The following MACF1 variants were observed in gnomAD, a reference collection of about 807,000 sequenced individuals.
MACF1 encodes the protein microtubule actin crosslinking factor 1, also known as microtubule-actin cross-linking factor 1.
Under a neutral mutation model 854.8 loss-of-function variants are expected in MACF1, and 193 were observed. That is an observed-to-expected ratio of 0.23 (90% CI 0.20 to 0.25). The LOEUF is 0.25. Among genes scored for constraint, MACF1 ranks in the 10% least tolerant of loss-of-function variants. MACF1 has a pLI of 1.00. For synonymous variants in MACF1, 3,185 were observed against 3,226.7 expected (o/e 0.99, Z 0.44); for missense variants, 7,722 against 8,929.1 (o/e 0.86, Z 5.45).
At chr1:39,239,362 G>A (rs1644896072) in intron 2 of MACF1, among the ~76,000 whole-genome samples, 1 of 152,218 alleles carries the variant, frequency 6.6e-6, no homozygotes, top group African/African-American at 2.4e-5. Flanking sequence ...AGTTGATCTT[G>A]GAATCTCTTG....
At chr1:39,410,707 A>G in intron 58 of MACF1, 2 of 1,613,918 alleles carry the variant, frequency 1.2e-6, no homozygotes, top group Non-Finnish European at 1.7e-6. Flanking sequence ...TGCAGAGAGG[A>G]TAGAAGCTTC....
rs1429846214 is a variant in MACF1, at chr1:39,303,025, A to C, written c.2736A>C (p.Ser912=). The C allele has an allele frequency of 1.2e-6, 2 of 1,614,224 alleles. No individual in the cohort carries two copies. Among genetic ancestry groups the C allele is most frequent in the Non-Finnish European group, 1.7e-6 (2 of 1,180,010 alleles). ...SPTGNEAMVP[S]VCFLIPPPNK... ...CAGGGAACGAGGCAATGGTGCCGTC[A>C]GTCTGCTTCCTCATCCCCCCACCCA... Residue 912 remains serine, a synonymous_variant, in exon 23 of 101, where the codon TCA becomes TCC. Coordinates refer to ENST00000564288, the MANE Select transcript of MACF1 (RefSeq NM_001394062.1).
intron 58 of MACF1, among the ~76,000 whole-genome samples, chr1:39,396,773 AG>A (rs1269786395): frequency 1.3e-5 from 2 of 152,190 alleles, no homozygotes; most frequent in Non-Finnish European, 2.9e-5. Context: ...TGACTTCCAC[AG>A]GGAGTTGTGT....
chr1:39,252,657 C>A (rs1052706668), intron 4 of MACF1, among the ~76,000 whole-genome samples: 1 of 152,248 alleles, frequency 6.6e-6, no homozygotes, highest in Non-Finnish European at 1.5e-5. Context: ...TTAAAAATAT[C>A]ATTTGTCTCC....
rs188934562 is a variant in MACF1, at chr1:39,114,609, C to T, written c.220+30171C>T. ...TAATTTTAGAGTAATCAGAGAAAGC[C>T]GCATGAAGAATAAATTAATAAGTAT... On this transcript the variant is annotated intron_variant, in intron 2 of 93. Transcript: ENST00000361689. Among the ~76,000 whole-genome samples the T allele has an allele frequency of 5.1e-4, 77 of 152,122 alleles. 1 individual carries two copies. The highest frequency in any genetic ancestry group is 3.7e-3 in the East Asian group (19 of 5,186).
intron 58 of MACF1, among the ~76,000 whole-genome samples, chr1:39,403,670 C>A (rs1642570761): frequency 6.6e-6 from 1 of 152,124 alleles, no homozygotes; most frequent in Admixed American, 6.5e-5. Flanking sequence ...TCTTCCTCTG[C>A]AATTACTTTC....
intron 31 of MACF1, among the ~76,000 whole-genome samples, chr1:39,322,061 G>A (rs540242938): frequency 4.8e-4 from 73 of 152,278 alleles, no homozygotes; most frequent in African/African-American, 1.7e-3. Flanking sequence ...GAATAGTATG[G>A]TAAAATGAGA....
intron 2 of MACF1, among the ~76,000 whole-genome samples, chr1:39,148,323 G>C (rs1643508290): frequency 6.6e-6 from 1 of 152,078 alleles, no homozygotes; most frequent in Admixed American, 6.6e-5. Flanking sequence ...AGAATGTTTA[G>C]AAAAATCTGA....
intron 1 of MACF1, among the ~76,000 whole-genome samples, chr1:39,215,968 T>C (rs1474249320): frequency 2.6e-5 from 4 of 152,146 alleles, no homozygotes; most frequent in Non-Finnish European, 5.9e-5. Flanking sequence ...GGAAGAGTCA[T>C]GTTAGCTGTG....
chr1:39,381,899 C>A, intron 55 of MACF1, 54 bp from the exon 56 acceptor site: 1 of 1,269,478 alleles, frequency 7.9e-7, no homozygotes, highest in Non-Finnish European at 1.1e-6. Flanking sequence ...ACTTAGGTAC[C>A]AGGCCAGTTG....
Position 39,480,976 on chromosome 1 carries a change from T to C in MACF1, c.22227T>C (p.Ala7409=), listed in dbSNP as rs1249993600. ...AACCCTGGTTGGTAAACAGTAAAGC[T>C]GGCACCCCTATCAGGGACAGCCATT... ...YDKPWLVNSK[A]GTPIRDSHSP... is the part of the protein sequence containing the mutation. Residue 7409 remains alanine (A), a synonymous_variant, in exon 99 of 101, where the codon GCT becomes GCC. Coordinates refer to ENST00000564288, the MANE Select transcript of MACF1 (RefSeq NM_001394062.1). 1.3e-6 allele frequency: 2 copies of C among 1,550,910 alleles called. No homozygotes were observed. Among genetic ancestry groups the C allele is most frequent in the South Asian group, 2.4e-5 (2 of 84,060 alleles).
chr1:39,438,880 C>T (rs780661256), intron 71 of MACF1, among the ~76,000 whole-genome samples: 1 of 151,662 alleles, frequency 6.6e-6, no homozygotes, highest in African/African-American at 2.4e-5. Flanking sequence ...GTCAGGAGTT[C>T]GAGACCAGCC....
intron 68 of MACF1, 127 bp downstream of exon 68, chr1:39,433,282 C>G: frequency 3.6e-6 from 2 of 563,164 alleles, no homozygotes; most frequent in Non-Finnish European, 6.3e-6. Context: ...TTATTAAAGT[C>G]CAGCTTGATG....
In MACF1 at chr1:39,289,693, C is replaced by CTTTTTTTTTTTTTTTTT. The variant is rs58188740; in HGVS notation, c.1785+2147_1785+2163dup. 1.9e-3 allele frequency among the ~76,000 whole-genome samples: 54 copies of CTTTTTTTTTTTTTTTTT among 28,966 alleles called. 22 individuals carry two copies. The highest frequency in any genetic ancestry group is 6.6e-3 in the Admixed American group (9 of 1,368). The allele number at this position is 28,966 out of a possible 152,430, so 19.0% of individuals were successfully genotyped here. A position where few individuals can be genotyped will look rare whatever the true frequency, so the allele number is the denominator to read the frequency against. On this transcript the variant is annotated intron_variant, in intron 15 of 100. Coordinates refer to ENST00000564288, the MANE Select transcript of MACF1 (RefSeq NM_001394062.1). ...ATTTTCTCCCATTCTGTGGGTTGTC[C>CTTTTTTTTTTTTTTTTT]TTTTTTTTTTTTTTTTTTTTTTTTT...
chr1:39,437,613 A>C, intron 70 of MACF1, 164 bp from the exon 71 acceptor site: 1 of 669,710 alleles, frequency 1.5e-6, no homozygotes, highest in Admixed American at 2.1e-5. Flanking sequence ...CCCCTGGCCC[A>C]AAACAGTTTC....
intron 2 of MACF1, among the ~76,000 whole-genome samples, chr1:39,152,803 GCAACAAAAGAATGCTACCAGAACTTTA>G (rs1643609685): frequency 7.9e-5 from 12 of 151,716 alleles, no homozygotes; most frequent in African/African-American, 2.9e-4. Flanking sequence ...CTACTCAAAA[GCAACAAAAGAATGCTACCAGAACTTTA>G]TCACAAACCA....
intron 69 of MACF1, 50 bp downstream of exon 69, chr1:39,434,682 A>G (rs1643933685): frequency 6.5e-7 from 1 of 1,533,776 alleles, no homozygotes; most frequent in Non-Finnish European, 8.9e-7. Context: ...GGTCTCTATA[A>G]TTTATTTAAA....
At position 39,267,582 on chromosome 1, in the gene MACF1, C is replaced by T. The variant is rs558569788; in HGVS notation, c.528+9554C>T. On this transcript the variant is annotated intron_variant, in intron 6 of 100. Transcript: ENST00000564288. Reference sequence around the variant, plus strand: ...AAATATAAAATAATAGTTTTGACCTCATATAGTGACTGTAAGAATTAAATG... The same window carrying T: ...AAATATAAAATAATAGTTTTGACCTTATATAGTGACTGTAAGAATTAAATG... 3.2e-3 allele frequency among the ~76,000 whole-genome samples: 489 copies of T among 152,326 alleles called. 1 individual carries two copies. The highest frequency in any genetic ancestry group is 0.014 in the Middle Eastern group (4 of 294).
At chr1:39,142,525 T>C (rs1643366511) in intron 2 of MACF1, among the ~76,000 whole-genome samples, 1 of 152,156 alleles carries the variant, frequency 6.6e-6, no homozygotes, top group African/African-American at 2.4e-5. Context: ...TTGGGTGCCC[T>C]GAAGAAAATA....
Sources: gnomAD v4.1 joint callset for allele counts (sites outside exome capture counted in the v4.1 genomes callset) on GRCh38, gnomAD v4.1.1 for gene constraint, MANE v1.5 for transcripts, NCBI Gene and HGNC (gene_info 2026-07-23, HGNC 2026-07-21) for gene names.